Variants in ARNT2 observed in about 807,000 individuals in gnomAD.
The protein encoded by ARNT2 is ARNT protein 2.
ARNT2 carries 36 observed loss-of-function variants against 91.7 expected under a neutral mutation model. The observed-to-expected ratio is 0.39, with a 90% CI of 0.30 to 0.52. The LOEUF (loss-of-function observed/expected upper bound fraction) is 0.52, where lower values mean the gene tolerates loss of function less well. Ranked by LOEUF, ARNT2 falls within the 20% of genes least tolerant of loss-of-function variation. The probability of loss-of-function intolerance (pLI) is 0.72; values close to 1 mark genes in which losing one functional copy is unlikely to be tolerated. For missense variants in ARNT2, 775 were observed against 939.3 expected, an observed-to-expected ratio of 0.83 and a Z score of 2.29; for synonymous variants, 365 against 347.1, an observed-to-expected ratio of 1.05 and a Z score of -0.57.
chr15:80,562,257 G>A (rs185844691), intron 11 of ARNT2, among the ~76,000 whole-genome samples: 1 of 152,096 alleles, frequency 6.6e-6, no homozygotes, highest in Non-Finnish European at 1.5e-5. Flanking sequence ...TAGTAGAGAC[G>A]GGGTTTTGCC....
chr15:80,583,737 C>T (rs1291366742), intron 17 of ARNT2, among the ~76,000 whole-genome samples: 2 of 152,224 alleles, frequency 1.3e-5, no homozygotes, highest in Non-Finnish European at 2.9e-5. Flanking sequence ...CTGATAATAG[C>T]AGAATCATGC....
At position 80,426,058 on chromosome 15, in the gene ARNT2, C is replaced by CGAAAAGAAAAGAAAA. The variant is rs142134604; in HGVS notation, c.31+21527_31+21541dup. ...CATGGGCAACAGAGGAAGACTGTCT[C>CGAAAAGAAAAGAAAA]GAAAAGAAAAGAAAAGAAAAGAAAA... On this transcript the variant is annotated intron_variant, in intron 1 of 18. Coordinates refer to ENST00000303329, the MANE Select transcript of ARNT2 (RefSeq NM_014862.4). Among the ~76,000 whole-genome samples, 1,479 of 149,742 alleles carry CGAAAAGAAAAGAAAA rather than the reference C, an allele frequency of 9.9e-3. 25 individuals carry two copies. The highest frequency in any genetic ancestry group is 0.034 in the African/African-American group (1,356 of 40,348).
chr15:80,514,411 GA>G lies in ARNT2; in HGVS notation c.877+7del. ...CAAGGCCTGGCCACCAGCAGGTAAG[GA>G]GACCTGCATGTAAATTCCACGGGAA... On this transcript the variant is annotated splice_region_variant and intron_variant, in intron 8 of 18. Transcript: ENST00000303329. The G allele has an allele frequency of 6.2e-7, 1 of 1,613,260 alleles. No homozygotes were observed. Among genetic ancestry groups the G allele is most frequent in the South Asian group, 1.1e-5 (1 of 91,054 alleles).
intron 5 of ARNT2, among the ~76,000 whole-genome samples, chr15:80,503,004 G>A (rs1025229361): frequency 1.3e-5 from 2 of 152,236 alleles, no homozygotes; most frequent in Non-Finnish European, 1.5e-5. Flanking sequence ...GATTCTAGAA[G>A]GAGCCAGCCT....
intron 5 of ARNT2, among the ~76,000 whole-genome samples, chr15:80,477,524 C>G (rs1896825268): frequency 6.6e-6 from 1 of 152,188 alleles, no homozygotes; most frequent in African/African-American, 2.4e-5. Flanking sequence ...AGTATATCAT[C>G]AGGTTTGTTG....
At chr15:80,540,014 T>C (rs1238563242) in intron 8 of ARNT2, among the ~76,000 whole-genome samples, 3 of 152,088 alleles carry the variant, frequency 2.0e-5, no homozygotes, top group Non-Finnish European at 4.4e-5. Context: ...AACTACCACA[T>C]GATCCAGCAA....
chr15:80,484,718 G>A (rs993642592), intron 5 of ARNT2, among the ~76,000 whole-genome samples: 2 of 152,242 alleles, frequency 1.3e-5, no homozygotes, highest in Non-Finnish European at 2.9e-5. Context: ...TCAGAGTGGT[G>A]CTTTTGCACA....
chr15:80,593,177 T>G (rs1287153178), intron 18 of ARNT2, among the ~76,000 whole-genome samples: 1 of 152,210 alleles, frequency 6.6e-6, no homozygotes, highest in Non-Finnish European at 1.5e-5. Context: ...AAGATAAACA[T>G]GGAAGACAGG....
intron 3 of ARNT2, among the ~76,000 whole-genome samples, chr15:80,460,620 A>G (rs530009024): frequency 1.3e-5 from 2 of 152,192 alleles, no homozygotes; most frequent in Non-Finnish European, 2.9e-5. Flanking sequence ...GGCTCTGCCT[A>G]CATTCGAAGT....
intron 1 of ARNT2, among the ~76,000 whole-genome samples, chr15:80,430,085 T>A (rs1895987581): frequency 6.6e-6 from 1 of 152,162 alleles, no homozygotes; most frequent in Non-Finnish European, 1.5e-5. Context: ...CTCAGAAGGC[T>A]TCCCTAGGTC....
At chr15:80,451,209 T>A (rs1052814098) in intron 2 of ARNT2, among the ~76,000 whole-genome samples, 1 of 152,250 alleles carries the variant, frequency 6.6e-6, no homozygotes, top group Admixed American at 6.5e-5. Flanking sequence ...TTGCTTGTCC[T>A]TGTGGTGAGA....
At chr15:80,428,010 C>CT (rs1895956769) in intron 1 of ARNT2, among the ~76,000 whole-genome samples, 1 of 152,224 alleles carries the variant, frequency 6.6e-6, no homozygotes, top group African/African-American at 2.4e-5. Context: ...TCAGCTCGGC[C>CT]TGATAATGAG....
intron 1 of ARNT2, among the ~76,000 whole-genome samples, chr15:80,423,797 A>AGAGAGAGT (rs1231775625): frequency 1.3e-5 from 2 of 151,520 alleles, no homozygotes; most frequent in South Asian, 4.2e-4. Flanking sequence ...AGAGAGAGAG[A>AGAGAGAGT]GAGTCATACT....
intron 11 of ARNT2, among the ~76,000 whole-genome samples, chr15:80,558,265 G>C (rs1343299547): frequency 6.6e-6 from 1 of 151,842 alleles, no homozygotes; most frequent in Non-Finnish European, 1.5e-5. Flanking sequence ...GGCTTGTTTG[G>C]GGGGTTGTTT....
intron 8 of ARNT2, among the ~76,000 whole-genome samples, chr15:80,516,991 A>G (rs1368080017): frequency 6.6e-6 from 1 of 151,238 alleles, no homozygotes; most frequent in East Asian, 1.9e-4. Flanking sequence ...TCATCACCCA[A>G]TACATTGTTA....
intron 5 of ARNT2, among the ~76,000 whole-genome samples, chr15:80,483,018 G>A (rs1015415801): frequency 6.6e-6 from 1 of 152,114 alleles, no homozygotes; most frequent in Non-Finnish European, 1.5e-5. Context: ...AGAAAGTTGG[G>A]GAATCTATGA....
At chr15:80,587,466 A>G (rs1380596907) in intron 17 of ARNT2, among the ~76,000 whole-genome samples, 2 of 152,170 alleles carry the variant, frequency 1.3e-5, no homozygotes, top group Non-Finnish European at 2.9e-5. Flanking sequence ...ACCCAACTAC[A>G]TAGGACTTCC....
At chr15:80,529,942 C>T (rs142264892) in intron 8 of ARNT2, among the ~76,000 whole-genome samples, 7 of 152,326 alleles carry the variant, frequency 4.6e-5, no homozygotes, top group Middle Eastern at 3.4e-3. Context: ...GTGCCTTGCG[C>T]ATAAATATTA....
At chr15:80,485,861 T>C (rs1297094064) in intron 5 of ARNT2, among the ~76,000 whole-genome samples, 1 of 152,222 alleles carries the variant, frequency 6.6e-6, no homozygotes, top group Non-Finnish European at 1.5e-5. Flanking sequence ...TAGAGTTATC[T>C]ATGCGAGGGC....
Sources: allele counts gnomAD v4.1 joint callset (sites outside exome capture counted in the v4.1 genomes callset), GRCh38; gene constraint gnomAD v4.1.1; transcripts MANE v1.5; gene names NCBI Gene and HGNC (gene_info 2026-07-23, HGNC 2026-07-21).